CDH13: variants seen among roughly 807,000 people sequenced by gnomAD.
CDH13 encodes cadherin 13.
CDH13 carries 24 observed loss-of-function variants against 63.8 expected under a neutral mutation model. The ratio of observed to expected loss-of-function variants is 0.38; its 90% CI spans 0.27 to 0.53. The LOEUF (loss-of-function observed/expected upper bound fraction) is 0.53, where lower values mean the gene tolerates loss of function less well. Ranked by LOEUF, CDH13 falls within the 20% of genes least tolerant of loss-of-function variation. The pLI is 0.85. For synonymous variants in CDH13, 503 were observed against 355.3 expected (o/e 1.42, Z -4.67); for missense variants, 1,049 against 903.1 (o/e 1.16, Z -2.07).
At chr16:83,121,667 C>T (rs566797583) in intron 3 of CDH13, among the ~76,000 whole-genome samples, 30 of 152,188 alleles carry the variant, frequency 2.0e-4, no homozygotes, top group Non-Finnish European at 3.8e-4. Flanking sequence ...AGGATGTTTT[C>T]CATTTTTGCC....
At chr16:82,959,391 T>C (rs965479467) in intron 2 of CDH13, among the ~76,000 whole-genome samples, 1 of 152,158 alleles carries the variant, frequency 6.6e-6, no homozygotes, top group Non-Finnish European at 1.5e-5. Context: ...TCTGTAAAAA[T>C]TTATGACAAA....
intron 11 of CDH13, among the ~76,000 whole-genome samples, chr16:83,763,612 A>C (rs940775711): frequency 6.6e-6 from 1 of 152,166 alleles, no homozygotes; most frequent in Non-Finnish European, 1.5e-5. Context: ...ATTCTACTTA[A>C]AAGATGCTAG....
At chr16:83,373,625 T>A (rs1464171601) in intron 6 of CDH13, among the ~76,000 whole-genome samples, 1 of 152,160 alleles carries the variant, frequency 6.6e-6, no homozygotes, top group Non-Finnish European at 1.5e-5. Context: ...GCAAAGTGTA[T>A]GTGTTAAGAC....
intron 7 of CDH13, among the ~76,000 whole-genome samples, chr16:83,538,215 G>C (rs950277613): frequency 6.6e-6 from 1 of 152,184 alleles, no homozygotes; most frequent in Non-Finnish European, 1.5e-5. Flanking sequence ...GGGAAGCTCT[G>C]CCTCTTGTTG....
Position 82,857,225 on chromosome 16 carries a change from G to A in CDH13, c.46-1137G>A, listed in dbSNP as rs564288544. Among the ~76,000 whole-genome samples, 209 of 152,256 alleles carry A rather than the reference G, an allele frequency of 1.4e-3. 1 individual carries two copies. Among genetic ancestry groups the A allele is most frequent in the Middle Eastern group, 0.01 (3 of 294 alleles). ...TTAACCTTTCTAGAATTTCGAGTTC[G>A]TCTTCTATAAAATATACCTTATAAC... On this transcript the variant is annotated intron_variant, in intron 1 of 13. Transcript: ENST00000567109.
chr16:82,896,276 A>ATTTTTTTTTGTTTTTTTTTTTT (rs2041254145), intron 2 of CDH13, among the ~76,000 whole-genome samples: 1 of 87,816 alleles, frequency 1.1e-5, no homozygotes, highest in Non-Finnish European at 2.2e-5. Context: ...TAGGATTAGG[A>ATTTTTTTTTGTTTTTTTTTTTT]TTTTTTTTTT....
At position 83,317,667 on chromosome 16, in the gene CDH13, G is replaced by A. The variant is rs150158194; in HGVS notation, c.637-27195G>A. 4.9e-4 allele frequency among the ~76,000 whole-genome samples: 74 copies of A among 152,206 alleles called. 1 individual carries two copies. The East Asian group carries it at 0.01, about 21-fold the overall frequency. ...AATACAAAATTAGCCAAGCATGGTG[G>A]CATGCACCTGTAATCCCAGATACTT... On this transcript the variant is annotated intron_variant, in intron 5 of 13. Transcript: ENST00000567109.
At chr16:83,743,826 T>C (rs957285466) in intron 10 of CDH13, among the ~76,000 whole-genome samples, 4 of 131,456 alleles carry the variant, frequency 3.0e-5, no homozygotes, top group African/African-American at 1.1e-4. Flanking sequence ...GTAATAAACC[T>C]TTACCGGGCA....
intron 2 of CDH13, among the ~76,000 whole-genome samples, chr16:83,030,984 A>G (rs1399569992): frequency 6.6e-6 from 1 of 151,806 alleles, no homozygotes; most frequent in Non-Finnish European, 1.5e-5. Flanking sequence ...AAAGTAAATT[A>G]AGGAGCTGTT....
intron 3 of CDH13, among the ~76,000 whole-genome samples, chr16:83,074,472 C>A (rs185845906): frequency 2.0e-5 from 3 of 152,214 alleles, no homozygotes; most frequent in Admixed American, 6.5e-5. Flanking sequence ...GTGCATGTAT[C>A]CCTTTGATAG....
intron 8 of CDH13, among the ~76,000 whole-genome samples, chr16:83,664,356 G>C (rs1042691620): frequency 2.0e-5 from 3 of 152,094 alleles, no homozygotes; most frequent in African/African-American, 7.2e-5. Context: ...ATAGTTCTTA[G>C]GCAAGCAACC....
At chr16:83,344,619 G>T (rs565969382) in intron 5 of CDH13, among the ~76,000 whole-genome samples, 8 of 152,148 alleles carry the variant, frequency 5.3e-5, no homozygotes, top group African/African-American at 1.9e-4. Context: ...AACTTTCTTT[G>T]CCGATTTGAT....
rs372808708 is a variant in CDH13 at position 83,430,548 on chromosome 16, C to G, written c.782-55929C>G. 2.6e-5 allele frequency among the ~76,000 whole-genome samples: 4 copies of G among 152,134 alleles called. No homozygotes were observed. The East Asian group carries it at 7.7e-4, about 29-fold the overall frequency. ...GTGATTTTATCAAACCTTTATTCTT[C>G]TTTTTGAAATCCTGCTTTTCTATGT... On this transcript the variant is annotated intron_variant, in intron 6 of 13. Transcript: ENST00000567109.
chr16:83,328,695 T>C (rs1487659780), intron 5 of CDH13, among the ~76,000 whole-genome samples: 1 of 152,170 alleles, frequency 6.6e-6, no homozygotes, highest in African/African-American at 2.4e-5. Context: ...TGGAAGCAGC[T>C]GATGGAGTGG....
chr16:83,087,432 G>A (rs1308442894), intron 3 of CDH13, among the ~76,000 whole-genome samples: 2 of 152,020 alleles, frequency 1.3e-5, no homozygotes, highest in Admixed American at 6.6e-5. Flanking sequence ...CACTTTGAGA[G>A]GCCGAGGCGG....
At chr16:83,142,115 A>G (rs1316875304) in intron 4 of CDH13, among the ~76,000 whole-genome samples, 1 of 149,792 alleles carries the variant, frequency 6.7e-6, no homozygotes, top group East Asian at 2.0e-4. Context: ...TAAGTTCTAC[A>G]TTAAGTTGTC....
intron 6 of CDH13, among the ~76,000 whole-genome samples, chr16:83,448,406 G>A (rs1377951918): frequency 2.0e-5 from 3 of 152,144 alleles, no homozygotes; most frequent in Admixed American, 2.0e-4. Flanking sequence ...CAGCAGTTCT[G>A]TGCATGACAC....
At chr16:83,500,899 G>T (rs915506459) in intron 7 of CDH13, among the ~76,000 whole-genome samples, 1 of 151,996 alleles carries the variant, frequency 6.6e-6, no homozygotes, top group Non-Finnish European at 1.5e-5. Flanking sequence ...GTTTCTATAT[G>T]AGCCAGTTTA....
intron 6 of CDH13, among the ~76,000 whole-genome samples, chr16:83,460,558 G>A (rs752858829): frequency 1.3e-5 from 2 of 152,146 alleles, no homozygotes; most frequent in Non-Finnish European, 2.9e-5. Flanking sequence ...TCCAGGACAT[G>A]CATATGTGGA....
Sources: gnomAD v4.1 joint callset for allele counts (sites outside exome capture counted in the v4.1 genomes callset) on GRCh38, gnomAD v4.1.1 for gene constraint, MANE v1.5 for transcripts, NCBI Gene and HGNC (gene_info 2026-07-23, HGNC 2026-07-21) for gene names.